AGPS: variants seen among roughly 807,000 people sequenced by gnomAD.
The protein encoded by AGPS is alkyldihydroxyacetonephosphate synthase, peroxisomal.
In AGPS, 26 loss-of-function variants were observed where a neutral mutation model predicts 90.7. The observed-to-expected ratio is 0.29, with a 90% confidence interval of 0.21 to 0.40. The LOEUF (loss-of-function observed/expected upper bound fraction) is 0.40. Ranked by LOEUF, AGPS falls within the 10% of genes least tolerant of loss-of-function variation. The pLI, the probability that AGPS is intolerant of heterozygous loss-of-function variation, is 1.00. For synonymous variants in AGPS, 294 were observed against 285.3 expected, an observed-to-expected ratio of 1.03 and a Z score of -0.31; for missense variants, 540 against 816.1, an observed-to-expected ratio of 0.66 and a Z score of 4.12.
intron 2 of AGPS, among the ~76,000 whole-genome samples, chr2:177,423,560 T>C (rs1166023485): frequency 1.3e-5 from 2 of 152,184 alleles, no homozygotes; most frequent in Admixed American, 6.5e-5. Context: ...CAGAAACTAA[T>C]GTGATTATCA....
At chr2:177,531,352 CAATT>C in intron 19 of AGPS, among the ~76,000 whole-genome samples, 1 of 152,194 alleles carries the variant, frequency 6.6e-6, no homozygotes, top group African/African-American at 2.4e-5. Context: ...TAAATACTAA[CAATT>C]AAGCATATAG....
At chr2:177,405,282 C>T (rs77162274) in intron 1 of AGPS, among the ~76,000 whole-genome samples, 2 of 152,180 alleles carry the variant, frequency 1.3e-5, no homozygotes, top group Non-Finnish European at 2.9e-5. Flanking sequence ...TCAGTTATTG[C>T]CTGGAAGGAA....
chr2:177,525,267 A>G (rs1338811395), intron 19 of AGPS, among the ~76,000 whole-genome samples: 3 of 152,206 alleles, frequency 2.0e-5, no homozygotes, highest in Non-Finnish European at 2.9e-5. Flanking sequence ...TCAGAAAGCC[A>G]TATACATTAT....
chr2:177,514,564 C>CATGATAAT (rs1202845334), intron 17 of AGPS, among the ~76,000 whole-genome samples: 3 of 152,140 alleles, frequency 2.0e-5, no homozygotes, highest in Admixed American at 6.5e-5. Context: ...CTCCTTATAG[C>CATGATAAT]ATGATAATTT....
intron 11 of AGPS, among the ~76,000 whole-genome samples, chr2:177,487,943 T>C (rs1401845581): frequency 6.6e-6 from 1 of 152,166 alleles, no homozygotes. Context: ...CACTCCCTAT[T>C]ATGTATTATT....
chr2:177,499,869 G>T, intron 14 of AGPS, 139 bp downstream of exon 14: 1 of 612,648 alleles, frequency 1.6e-6, no homozygotes, highest in Non-Finnish European at 2.8e-6. Context: ...TTTCAGTTTA[G>T]TGTTAAATTT....
Position 177,402,747 on chromosome 2 carries a change from A to C in AGPS, c.260+9698A>C, listed in dbSNP as rs182098151. Among the ~76,000 whole-genome samples, 3 of 152,304 alleles carry C rather than the reference A, an allele frequency of 2.0e-5. No individual in the cohort carries two copies. In the East Asian group the frequency reaches 5.8e-4, roughly 29 times the overall value. On this transcript the variant is annotated intron_variant, in intron 1 of 19. Transcript: ENST00000264167. ...TAAATCACCTAGGTACTCTTCAGCCACCTCACCCATTTGAAACTTCGTCTA... is the reference window on the plus strand; with the variant it reads ...TAAATCACCTAGGTACTCTTCAGCCCCCTCACCCATTTGAAACTTCGTCTA...
intron 8 of AGPS, among the ~76,000 whole-genome samples, chr2:177,448,047 A>G (rs573887316): frequency 4.9e-4 from 75 of 152,006 alleles, no homozygotes; most frequent in African/African-American, 1.8e-3. Context: ...GGCTACTTTT[A>G]TTGGTTAATA....
At chr2:177,427,967 C>T (rs1353854165) in intron 2 of AGPS, among the ~76,000 whole-genome samples, 1 of 152,076 alleles carries the variant, frequency 6.6e-6, no homozygotes, top group African/African-American at 2.4e-5. Context: ...GTGTAAGTCT[C>T]TTTGTAGGTC....
intron 16 of AGPS, 138 bp from the exon 17 acceptor site, chr2:177,513,681 C>G (rs947484950): frequency 1.5e-6 from 1 of 667,604 alleles, no homozygotes; most frequent in Non-Finnish European, 2.6e-6. Flanking sequence ...GGCTCTTTTC[C>G]ATTCTTGAAA....
chr2:177,470,846 T>C (rs1208992643), intron 10 of AGPS, among the ~76,000 whole-genome samples: 1 of 152,152 alleles, frequency 6.6e-6, no homozygotes, highest in Admixed American at 6.5e-5. Context: ...GAAGTCTTTA[T>C]CAGATCTGGA....
intron 7 of AGPS, among the ~76,000 whole-genome samples, chr2:177,442,741 G>A (rs1440330441): frequency 6.6e-6 from 1 of 151,416 alleles, no homozygotes; most frequent in East Asian, 1.9e-4. Flanking sequence ...CAGCTACTTG[G>A]GAGGCTGAGA....
chr2:177,434,238 CTGCTTGACCATCACTGG>C, intron 2 of AGPS, 72 bp from the exon 3 acceptor site: 1 of 898,898 alleles, frequency 1.1e-6, no homozygotes, highest in Non-Finnish European at 1.8e-6. Flanking sequence ...TTGATAGTAG[CTGCTTGACCATCACTGG>C]AAGCAGAATT....
At chr2:177,456,527 A>G (rs1687115077) in intron 8 of AGPS, among the ~76,000 whole-genome samples, 3 of 152,206 alleles carry the variant, frequency 2.0e-5, no homozygotes, top group Admixed American at 2.0e-4. Context: ...CTTATTTAGT[A>G]GGAAGTTAGT....
intron 1 of AGPS, among the ~76,000 whole-genome samples, chr2:177,413,079 A>G (rs560225800): frequency 6.6e-6 from 1 of 152,330 alleles, no homozygotes; most frequent in South Asian, 2.1e-4. Context: ...AACACAGACC[A>G]GAAGAGTATG....
intron 9 of AGPS, among the ~76,000 whole-genome samples, chr2:177,464,225 GC>G (rs1314692482): frequency 1.3e-5 from 2 of 152,148 alleles, no homozygotes; most frequent in Non-Finnish European, 2.9e-5. Context: ...ACAGGCATGA[GC>G]CACCGTGCCC....
chr2:177,392,903 G>A lies in AGPS; in HGVS notation c.114G>A (p.Leu38=). Residue 38 remains leucine (L), a synonymous_variant, in exon 1 of 20, where the codon CTG becomes CTA. Coordinates refer to ENST00000264167, the MANE Select transcript of AGPS (RefSeq NM_003659.4). ...ACCCGGACCGCGCCGGGCGGAGGCTGCGGGTTCTCTCTGGCCATCTGCTGG... is the reference window on the plus strand; with the variant it reads ...ACCCGGACCGCGCCGGGCGGAGGCTACGGGTTCTCTCTGGCCATCTGCTGG... ...DPDPDRAGRR[L]RVLSGHLLGR... 1 of 1,550,520 alleles carries A rather than the reference G, an allele frequency of 6.4e-7. No homozygotes were observed. The highest frequency in any genetic ancestry group is 1.2e-5 in the South Asian group (1 of 84,120).
In AGPS at chr2:177,527,861, C is replaced by T. The variant is rs569073862; in HGVS notation, c.1855+4056C>T. Among the ~76,000 whole-genome samples, 48 of 152,284 alleles carry T rather than the reference C, an allele frequency of 3.2e-4. 1 individual carries two copies. In the South Asian group the frequency reaches 9.7e-3, roughly 31 times the overall value. On this transcript the variant is annotated intron_variant, in intron 19 of 19. Transcript: ENST00000264167. ...TCATTTAAATAGAAATCTTTTATGT[C>T]TATCCTATTTCTTGTATTTTTATTT...
intron 8 of AGPS, among the ~76,000 whole-genome samples, chr2:177,453,006 C>T (rs951337683): frequency 1.3e-5 from 2 of 151,682 alleles, no homozygotes; most frequent in Admixed American, 6.6e-5. Context: ...TGTTATTTGC[C>T]TTCTGCTTGA....
Sources: allele counts gnomAD v4.1 joint callset (sites outside exome capture counted in the v4.1 genomes callset), GRCh38; gene constraint gnomAD v4.1.1; transcripts MANE v1.5; gene names NCBI Gene and HGNC (gene_info 2026-07-23, HGNC 2026-07-21).